The following CFAP251 variants were observed in gnomAD, a reference collection of about 807,000 sequenced individuals.
CFAP251 encodes cilia- and flagella-associated protein 251.
In CFAP251, 93 loss-of-function variants were observed where a neutral mutation model predicts 126.7. The ratio of observed to expected loss-of-function variants is 0.73; its 90% CI spans 0.62 to 0.87. CFAP251 has a LOEUF of 0.87. Ranked by LOEUF, CFAP251 falls within the 40% of genes least tolerant of loss-of-function variation. The probability of loss-of-function intolerance (pLI) is 0.00; values close to 1 mark genes in which losing one functional copy is unlikely to be tolerated. For synonymous variants in CFAP251, 503 were observed against 506.9 expected, an observed-to-expected ratio of 0.99 and a Z score of 0.10; for missense variants, 1,287 against 1,389.2, an observed-to-expected ratio of 0.93 and a Z score of 1.17.
intron 7 of CFAP251, among the ~76,000 whole-genome samples, chr12:121,945,595 G>T (rs1257298350): frequency 2.0e-5 from 3 of 151,226 alleles, no homozygotes; most frequent in African/African-American, 2.4e-5. Flanking sequence ...CGCCCGCCTT[G>T]GCCTCCCAAA....
rs752610406 is a variant in CFAP251, at chr12:121,921,582, C to G, written c.277C>G (p.Gln93Glu). ...EVQEKEASGI[Q>E]EETTVEPQEV... ...CCAAGAGAAGGAGGCTTCAGGAATA[C>G]AGGAAGAAACCACAGTAGAGCCCCA... Residue 93 changes from glutamine (Q) to glutamate (E), a missense_variant, in exon 2 of 22, where the codon CAG becomes GAG. By Grantham distance (29) the Gln-to-Glu change is conservative. Transcript: ENST00000288912. The G allele has an allele frequency of 6.2e-7, 1 of 1,614,048 alleles. No homozygotes were observed. Among genetic ancestry groups the G allele is most frequent in the Non-Finnish European group, 8.5e-7 (1 of 1,180,026 alleles).
At chr12:121,998,899 A>G (rs1290592040) in intron 19 of CFAP251, 2 of 149,954 alleles carry the variant, frequency 1.3e-5, no homozygotes, top group African/African-American at 4.9e-5. Flanking sequence ...CAAAAAAAAA[A>G]AAAAAAAAAA....
chr12:121,972,894 T>A lies in CFAP251; in HGVS notation c.2772-2350T>A, dbSNP rs1882371796. 2.0e-5 allele frequency among the ~76,000 whole-genome samples: 3 copies of A among 152,162 alleles called. No homozygotes were observed. In the South Asian group the frequency reaches 6.2e-4, roughly 32 times the overall value. On this transcript the variant is annotated intron_variant, in intron 17 of 21. Coordinates refer to ENST00000288912, the MANE Select transcript of CFAP251 (RefSeq NM_144668.6). ...AGCAGAGCATAAAAGTTTGGAAAATTTGCAGCCTGACTATGTGATAGAAAA... is the reference window on the plus strand; with the variant it reads ...AGCAGAGCATAAAAGTTTGGAAAATATGCAGCCTGACTATGTGATAGAAAA...
intron 19 of CFAP251, among the ~76,000 whole-genome samples, chr12:121,980,995 C>A (rs535567401): frequency 6.6e-6 from 1 of 152,162 alleles, no homozygotes; most frequent in African/African-American, 2.4e-5. Context: ...GACTAGAGAG[C>A]GAGGGTCTGT....
chr12:121,959,278 A>T, intron 13 of CFAP251, 184 bp downstream of exon 13: 2 of 581,968 alleles, frequency 3.4e-6, no homozygotes, highest in East Asian at 3.1e-5. Flanking sequence ...TGCTACAAAA[A>T]CACTTTTTAA....
chr12:121,941,543 A>T (rs1472361670), intron 5 of CFAP251, among the ~76,000 whole-genome samples: 2 of 152,000 alleles, frequency 1.3e-5, no homozygotes, highest in African/African-American at 4.8e-5. Context: ...CATGTTGTCC[A>T]GGCTGATCTT....
intron 15 of CFAP251, 77 bp downstream of exon 15, chr12:121,962,239 A>ATGT: frequency 7.5e-7 from 1 of 1,335,884 alleles, no homozygotes; most frequent in Non-Finnish European, 1.0e-6. Context: ...GTCTCCACAT[A>ATGT]GGGACCTGCA....
In CFAP251 at chr12:121,942,911, A is replaced by G. The variant is rs1881181294; in HGVS notation, c.1127A>G (p.Lys376Arg). The G allele has an allele frequency of 6.2e-7, 1 of 1,614,082 alleles. No homozygotes were observed. The highest frequency in any genetic ancestry group is 8.5e-7 in the Non-Finnish European group (1 of 1,180,042). Reference protein sequence around the residue: ...DAEVQKVCIWKWTLAVETPAC... With the variant: ...DAEVQKVCIWRWTLAVETPAC... ...CACCTACAGAAGGTATGCATCTGGA[A>G]GTGGACTTTGGCAGTGGAAACGCCA... Residue 376 changes from lysine to arginine, a missense_variant, in exon 7 of 22, where the codon AAG becomes AGG. Physicochemically the swap from Lys to Arg is conservative, Grantham distance 26. Coordinates refer to ENST00000288912, the MANE Select transcript of CFAP251 (RefSeq NM_144668.6).
chr12:121,957,146 C>T lies in CFAP251; in HGVS notation c.1608C>T (p.Tyr536=). ...YDHTLSIVNW[Y]SHLKLGAIRT... ...ACACCCTGTCTATTGTTAACTGGTA[C>T]AGTCACTTGAAACTGGGCGCCATAA... Residue 536 remains tyrosine (Y), a synonymous_variant, in exon 11 of 22, where the codon TAC becomes TAT. Coordinates refer to ENST00000288912, the MANE Select transcript of CFAP251 (RefSeq NM_144668.6). The T allele has an allele frequency of 6.2e-7, 1 of 1,614,084 alleles. No homozygotes were observed. The highest frequency in any genetic ancestry group is 1.1e-5 in the South Asian group (1 of 91,072).
At chr12:121,955,388 C>T (rs1268136435) in intron 10 of CFAP251, among the ~76,000 whole-genome samples, 1 of 152,160 alleles carries the variant, frequency 6.6e-6, no homozygotes, top group East Asian at 1.9e-4. Context: ...TCAGCTGGGT[C>T]CCTTCCTTGC....
In CFAP251 at chr12:122,003,709, C is replaced by T. The variant is rs747254537; in HGVS notation, c.3395C>T (p.Ala1132Val). ...LPDEITAEIFATEILGLTISE... is the reference protein window; with the variant it reads ...LPDEITAEIFVTEILGLTISE... Reference sequence around the variant, plus strand: ...GACGAAATCACTGCAGAAATATTCGCGACTGAAATTCTTGGCTTAACCATT... The same window carrying T: ...GACGAAATCACTGCAGAAATATTCGTGACTGAAATTCTTGGCTTAACCATT... The change falls in exon 22 of 22, where the codon GCG (alanine) becomes GTG (valine). Residue 1132 changes from alanine (A) to valine (V), a missense_variant. By Grantham distance (64) the Ala-to-Val change is moderately conservative (BLOSUM62 0). Transcript: ENST00000288912. The T allele has an allele frequency of 4.1e-5, 66 of 1,609,542 alleles. No homozygotes were observed. The highest frequency in any genetic ancestry group is 5.4e-5 in the African/African-American group (4 of 74,688).
At chr12:121,998,306 C>G (rs531214163) in intron 19 of CFAP251, 3 of 151,418 alleles carry the variant, frequency 2.0e-5, no homozygotes, top group African/African-American at 7.3e-5. Flanking sequence ...CCAGCCTCAG[C>G]CTCCCAAAGT....
intron 3 of CFAP251, among the ~76,000 whole-genome samples, chr12:121,931,289 A>T (rs1880675157): frequency 6.6e-6 from 1 of 152,036 alleles, no homozygotes; most frequent in African/African-American, 2.4e-5. Flanking sequence ...ATTTTTTTTT[A>T]AATTGTGGTA....
At chr12:121,977,471 T>C (rs971333672) in intron 19 of CFAP251, among the ~76,000 whole-genome samples, 2 of 151,940 alleles carry the variant, frequency 1.3e-5, no homozygotes, top group African/African-American at 4.8e-5. Flanking sequence ...CCAGCCTGGC[T>C]AACATGGTGA....
At chr12:121,944,724 G>A (rs1442341517) in intron 7 of CFAP251, among the ~76,000 whole-genome samples, 1 of 152,094 alleles carries the variant, frequency 6.6e-6, no homozygotes, top group African/African-American at 2.4e-5. Flanking sequence ...TTTGTGTGTT[G>A]ATTTTGTACC....
At chr12:121,994,030 G>C in intron 19 of CFAP251, among the ~76,000 whole-genome samples, 1 of 90,704 alleles carries the variant, frequency 1.1e-5, no homozygotes. Context: ...GTGGGGGGGG[G>C]GTCAGCCCCC....
At chr12:121,940,736 G>T (rs556715843) in intron 5 of CFAP251, among the ~76,000 whole-genome samples, 1 of 152,258 alleles carries the variant, frequency 6.6e-6, no homozygotes, top group East Asian at 1.9e-4. Context: ...TCAAGGCTGT[G>T]TTGGAATCAT....
At chr12:121,972,356 G>T (rs2135796997) in intron 17 of CFAP251, among the ~76,000 whole-genome samples, 1 of 152,358 alleles carries the variant, frequency 6.6e-6, no homozygotes, top group South Asian at 2.1e-4. Flanking sequence ...TGGAGATGAG[G>T]AACTTGTTGG....
chr12:121,971,724 G>A, intron 17 of CFAP251: 4 of 662,684 alleles, frequency 6.0e-6, no homozygotes, highest in Non-Finnish European at 1.1e-5. Context: ...ATTACAGGAG[G>A]AAAATAAAGG....
Sources: gnomAD v4.1 joint callset for allele counts (sites outside exome capture counted in the v4.1 genomes callset) on GRCh38, gnomAD v4.1.1 for gene constraint, MANE v1.5 for transcripts, NCBI Gene and HGNC (gene_info 2026-07-23, HGNC 2026-07-21) for gene names.